The following ZFHX3 variants were observed in gnomAD, a reference collection of about 807,000 sequenced individuals.
The protein encoded by ZFHX3 is zinc finger homeobox protein 3.
In ZFHX3, 42 loss-of-function variants were observed where a neutral mutation model predicts 279.1. The observed-to-expected ratio is 0.15, with a 90% CI of 0.12 to 0.19. The LOEUF (loss-of-function observed/expected upper bound fraction) is 0.19, where lower values mean the gene tolerates loss of function less well. Among genes scored for constraint, ZFHX3 ranks in the 10% least tolerant of loss-of-function variants. ZFHX3 has a pLI of 1.00. For synonymous variants in ZFHX3, 2,293 were observed against 1,957.8 expected (o/e 1.17, Z -4.52); for missense variants, 4,981 against 4,754.0 (o/e 1.05, Z -1.40).
At chr16:73,695,889 G>A (rs12102845) in intron 1 of ZFHX3, among the ~76,000 whole-genome samples, 8 of 151,916 alleles carry the variant, frequency 5.3e-5, no homozygotes, top group South Asian at 2.1e-4. Context: ...ACTCAGCTGC[G>A]TAAGGGGCCC....
At chr16:73,442,657 C>T (rs2018114634) in intron 3 of ZFHX3, among the ~76,000 whole-genome samples, 1 of 152,150 alleles carries the variant, frequency 6.6e-6, no homozygotes. Flanking sequence ...AGACCTGTTT[C>T]TTCAGGTGAG....
intron 5 of ZFHX3, among the ~76,000 whole-genome samples, chr16:73,166,682 C>G (rs1285443462): frequency 6.6e-6 from 1 of 152,138 alleles, no homozygotes; most frequent in Admixed American, 6.5e-5. Flanking sequence ...GATGTTTTCT[C>G]CTTCAAACAT....
chr16:73,358,187 G>A (rs1369016249), intron 3 of ZFHX3, among the ~76,000 whole-genome samples: 1 of 152,238 alleles, frequency 6.6e-6, no homozygotes, highest in African/African-American at 2.4e-5. Flanking sequence ...ATGGCCCCCA[G>A]CACCGTCCAC....
intron 1 of ZFHX3, among the ~76,000 whole-genome samples, chr16:73,814,611 A>G (rs1960516664): frequency 6.7e-6 from 1 of 149,104 alleles, no homozygotes; most frequent in African/African-American, 2.5e-5. Context: ...CTTGTTGCCC[A>G]GGCTGGAGTG....
intron 3 of ZFHX3, among the ~76,000 whole-genome samples, chr16:73,419,644 A>T (rs992702204): frequency 6.6e-6 from 1 of 151,722 alleles, no homozygotes; most frequent in Non-Finnish European, 1.5e-5. Context: ...GGGTCTCGCT[A>T]TGTTGCCCAG....
At chr16:73,587,221 G>T (rs1192445826) in intron 2 of ZFHX3, among the ~76,000 whole-genome samples, 1 of 152,208 alleles carries the variant, frequency 6.6e-6, no homozygotes, top group Non-Finnish European at 1.5e-5. Flanking sequence ...TGAGATTTAT[G>T]ACAATGCCTT....
intron 6 of ZFHX3, among the ~76,000 whole-genome samples, chr16:73,131,368 T>C (rs939323409): frequency 1.3e-5 from 2 of 152,176 alleles, no homozygotes; most frequent in Admixed American, 6.5e-5. Context: ...TTCAACCCTA[T>C]GGAAGTAGGT....
chr16:72,813,079 G>T (rs2036508444), intron 5 of ZFHX3, among the ~76,000 whole-genome samples: 1 of 152,152 alleles, frequency 6.6e-6, no homozygotes, highest in African/African-American at 2.4e-5. Context: ...AGTATGGTTG[G>T]ATCTGGTTGT....
At chr16:73,450,506 G>T (rs542750330) in intron 3 of ZFHX3, among the ~76,000 whole-genome samples, 2 of 152,002 alleles carry the variant, frequency 1.3e-5, no homozygotes, top group African/African-American at 2.4e-5. Context: ...CTTTTAACAC[G>T]TGTTTGTGGT....
intron 2 of ZFHX3, among the ~76,000 whole-genome samples, chr16:73,662,858 C>CG (rs1199804175): frequency 1.3e-5 from 2 of 151,870 alleles, no homozygotes; most frequent in Non-Finnish European, 2.9e-5. Flanking sequence ...GGGAAGTGGG[C>CG]GGGGGAGAAG....
chr16:73,880,245 G>A (rs1328668593), intron 1 of ZFHX3, among the ~76,000 whole-genome samples: 4 of 152,102 alleles, frequency 2.6e-5, no homozygotes, highest in Admixed American at 6.5e-5. Flanking sequence ...GAAATCTTCC[G>A]GCAGGCAGAG....
At chr16:73,457,476 C>A (rs949028967) in intron 2 of ZFHX3, among the ~76,000 whole-genome samples, 1 of 152,142 alleles carries the variant, frequency 6.6e-6, no homozygotes, top group Admixed American at 6.5e-5. Flanking sequence ...CAGACACTTA[C>A]AAAACGAGGG....
intron 8 of ZFHX3, among the ~76,000 whole-genome samples, chr16:73,071,467 T>C (rs926767376): frequency 2.0e-5 from 3 of 150,730 alleles, no homozygotes; most frequent in Middle Eastern, 3.4e-3. Flanking sequence ...CTGCTGCTGC[T>C]GCTGCTGCTG....
At chr16:73,442,852 G>C (rs1253675336) in intron 3 of ZFHX3, among the ~76,000 whole-genome samples, 1 of 152,178 alleles carries the variant, frequency 6.6e-6, no homozygotes, top group Admixed American at 6.5e-5. Context: ...ATTTGAGGCT[G>C]CAGTGAGTTC....
chr16:72,891,207 T>A (rs931186235), intron 3 of ZFHX3, among the ~76,000 whole-genome samples: 1 of 152,186 alleles, frequency 6.6e-6, no homozygotes, highest in African/African-American at 2.4e-5. Context: ...CATTGGTCAG[T>A]TGGTGTATCA....
At chr16:72,874,375 T>A (rs910372028) in intron 4 of ZFHX3, among the ~76,000 whole-genome samples, 3 of 151,590 alleles carry the variant, frequency 2.0e-5, no homozygotes, top group Non-Finnish European at 4.4e-5. Context: ...CCAGGCTAAT[T>A]TTTTGTATTT....
chr16:73,444,909 G>C (rs986646045), intron 3 of ZFHX3, among the ~76,000 whole-genome samples: 4 of 148,958 alleles, frequency 2.7e-5, no homozygotes, highest in Non-Finnish European at 4.4e-5. Context: ...CATGAGGGCA[G>C]GAGATTGAGA....
At chr16:73,812,465 C>T (rs1011514729) in intron 1 of ZFHX3, among the ~76,000 whole-genome samples, 1 of 152,166 alleles carries the variant, frequency 6.6e-6, no homozygotes, top group Admixed American at 6.5e-5. Context: ...TGACTGCATT[C>T]GTTGACCCCT....
At chr16:73,581,832 C>G (rs2051865160) in intron 2 of ZFHX3, among the ~76,000 whole-genome samples, 1 of 151,334 alleles carries the variant, frequency 6.6e-6, no homozygotes, top group Admixed American at 6.6e-5. Context: ...ACCACACACA[C>G]CTGGCTAATT....
Sources: allele counts gnomAD v4.1 joint callset (sites outside exome capture counted in the v4.1 genomes callset), GRCh38; gene constraint gnomAD v4.1.1; transcripts MANE v1.5; gene names NCBI Gene and HGNC (gene_info 2026-07-23, HGNC 2026-07-21).